The following SASH1 variants were observed in gnomAD, a reference collection of about 807,000 sequenced individuals.
SASH1 encodes the protein SAM and SH3 domain-containing protein 1.
Under a neutral mutation model 125.2 loss-of-function variants are expected in SASH1, and 44 were observed. The observed-to-expected ratio is 0.35, with a 90% CI of 0.28 to 0.45. SASH1 has a LOEUF of 0.45. Among genes scored for constraint, SASH1 ranks in the 20% least tolerant of loss-of-function variants. The probability of loss-of-function intolerance (pLI) is 1.00; values close to 1 mark genes in which losing one functional copy is unlikely to be tolerated. For missense variants in SASH1, 1,426 were observed against 1,614.5 expected (o/e 0.88, Z 2.00); for synonymous variants, 639 against 649.1 (o/e 0.98, Z 0.24).
chr6:148,546,001 G>A lies in SASH1; in HGVS notation c.3349-14G>A, dbSNP rs1782534951. 6 of 1,611,544 alleles carry A rather than the reference G, an allele frequency of 3.7e-6. No individual in the cohort carries two copies. The highest frequency in any genetic ancestry group is 5.1e-6 in the Non-Finnish European group (6 of 1,179,176). ...TTATGACTCTTGATGTCATATTCCT[G>A]TTCTCCCTGGCAGCATGGCCGCTGT... is the stretch of plus-strand genomic sequence containing the variant. On this transcript the variant is annotated splice_polypyrimidine_tract_variant and intron_variant, in intron 18 of 19. Transcript: ENST00000367467.
intron 4 of SASH1, among the ~76,000 whole-genome samples, chr6:148,463,784 C>G (rs1418546676): frequency 2.0e-5 from 3 of 152,156 alleles, no homozygotes; most frequent in Non-Finnish European, 4.4e-5. Context: ...TGTTCCCTCC[C>G]CTGCTGTTCC....
intron 8 of SASH1, chr6:148,508,787 A>C (rs1779947856): frequency 4.2e-6 from 5 of 1,178,990 alleles, no homozygotes; most frequent in South Asian, 3.9e-5. Context: ...TTGATGCTAC[A>C]AGAGTGAAGA....
upstream of SASH1, among the ~76,000 whole-genome samples, chr6:148,269,084 C>A (rs1779002448): frequency 1.3e-5 from 2 of 152,228 alleles, no homozygotes; most frequent in East Asian, 3.9e-4. Context: ...ATCACTGTAG[C>A]CTACCTTTTA....
Position 148,514,327 on chromosome 6 carries a change from A to G in SASH1, c.733A>G (p.Arg245Gly). ...TTTTCCTTTGTTTCTTTGCCAGTCA[A>G]GAGAACAATCGGATGATGAGACTGA... is the stretch of plus-strand genomic sequence containing the variant. ...TFDGSSNCNSREQSDDETEES... is the reference protein window; with the variant it reads ...TFDGSSNCNSGEQSDDETEES... The change falls in exon 9 of 20, where the codon AGA becomes GGA. Residue 245 changes from arginine to glycine, a missense_variant. Transcript: ENST00000367467. The G allele has an allele frequency of 6.2e-7, 1 of 1,601,040 alleles. No individual in the cohort carries two copies. Among genetic ancestry groups the G allele is most frequent in the South Asian group, 1.1e-5 (1 of 88,008 alleles).
At chr6:148,527,165 C>T in intron 11 of SASH1, 1 of 256,942 alleles carries the variant, frequency 3.9e-6, no homozygotes. Flanking sequence ...TGAAATGCAG[C>T]CCCCTTGGAT....
chr6:148,390,112 C>G, intron 1 of SASH1, 22 bp from the exon 2 acceptor site: 1 of 1,611,456 alleles, frequency 6.2e-7, no homozygotes, highest in Non-Finnish European at 8.5e-7. Flanking sequence ...ACCTGACCGC[C>G]TTTGTTTGTC....
intron 1 of SASH1, among the ~76,000 whole-genome samples, chr6:148,292,490 C>T (rs111560341): frequency 4.6e-5 from 7 of 152,282 alleles, no homozygotes; most frequent in Admixed American, 1.3e-4. Context: ...GTCTCTTCTA[C>T]GTGCTTATAG....
rs751383942 is a variant in SASH1, at chr6:148,544,644, C to G, written c.3174C>G (p.Pro1058=). Residue 1058 remains proline, a synonymous_variant, in exon 18 of 20, where the codon CCC becomes CCG. Transcript: ENST00000367467. The surrounding 1 kb of genome is among the most constrained non-coding windows in gnomAD (Gnocchi z 6.4). The part of the protein sequence containing the change: ...APGSPPSTRP[P]PWLSELPENT... ...GCAGCCCACCAAGCACAAGGCCGCC[C>G]CCCTGGCTCTCAGAGCTCCCCGAGA... The G allele has an allele frequency of 1.2e-6, 2 of 1,613,356 alleles. No individual in the cohort carries two copies. Among genetic ancestry groups the G allele is most frequent in the South Asian group, 1.1e-5 (1 of 91,004 alleles).
intron 8 of SASH1, among the ~76,000 whole-genome samples, chr6:148,511,556 A>G (rs1780140660): frequency 6.6e-6 from 1 of 152,226 alleles, no homozygotes; most frequent in Non-Finnish European, 1.5e-5. Flanking sequence ...GCATTAATTC[A>G]AAGGTACAAA....
intron 1 of SASH1, among the ~76,000 whole-genome samples, chr6:148,278,026 T>C (rs1779233827): frequency 6.7e-6 from 1 of 149,796 alleles, no homozygotes; most frequent in African/African-American, 2.5e-5. Flanking sequence ...TGTTTTGTTT[T>C]TGTTTTTGTT....
At chr6:148,475,993 T>C (rs1416497444) in intron 7 of SASH1, among the ~76,000 whole-genome samples, 2 of 152,146 alleles carry the variant, frequency 1.3e-5, no homozygotes, top group Non-Finnish European at 1.5e-5. Flanking sequence ...TTCCACATAG[T>C]ACTGAAAGTC....
chr6:148,305,845 G>A (rs999693000), intron 1 of SASH1, among the ~76,000 whole-genome samples: 1 of 152,110 alleles, frequency 6.6e-6, no homozygotes, highest in Non-Finnish European at 1.5e-5. Flanking sequence ...TAAGTCTGAA[G>A]GAGAAATTCG....
intron 10 of SASH1, chr6:148,520,094 C>T: frequency 1.8e-6 from 1 of 567,510 alleles, no homozygotes; most frequent in East Asian, 2.9e-5. Flanking sequence ...TGCAGCTGCT[C>T]CGGCAGAAAG....
chr6:148,396,958 A>ATCCC (rs1187518270), intron 2 of SASH1, among the ~76,000 whole-genome samples: 6 of 152,252 alleles, frequency 3.9e-5, no homozygotes, highest in African/African-American at 1.4e-4. Context: ...GAGTTGAAAA[A>ATCCC]TCCCTGCAGT....
chr6:148,390,326 G>T, intron 2 of SASH1, 64 bp downstream of exon 2: 1 of 1,523,854 alleles, frequency 6.6e-7, no homozygotes, highest in Non-Finnish European at 8.9e-7. Flanking sequence ...GCTTTTCCTT[G>T]GTCTTTATCC....
intron 8 of SASH1, among the ~76,000 whole-genome samples, chr6:148,502,844 C>T (rs957217571): frequency 2.6e-5 from 4 of 152,246 alleles, no homozygotes; most frequent in Admixed American, 1.3e-4. Context: ...TGGCAGTTTC[C>T]TCTTCCCCTC....
chr6:148,525,226 G>C (rs1781071615), intron 10 of SASH1, 65 bp from the exon 11 acceptor site: 1 of 1,153,730 alleles, frequency 8.7e-7, no homozygotes, highest in Non-Finnish European at 1.3e-6. Context: ...GGACTGCTGG[G>C]TTGGTGCACT....
At chr6:148,460,848 G>A (rs1039817062) in intron 4 of SASH1, among the ~76,000 whole-genome samples, 23 of 152,152 alleles carry the variant, frequency 1.5e-4, no homozygotes, top group East Asian at 7.7e-4. Flanking sequence ...AGAAATCCTT[G>A]TGTCCATCTC....
rs142481628 is a variant in SASH1 at position 148,536,127 on chromosome 6, T to TTAAG, written c.2095+1233_2095+1236dup. On this transcript the variant is annotated intron_variant, in intron 16 of 19. Transcript: ENST00000367467. ...TAATATCACTTTATAACAAGGTCTT[T>TTAAG]TAAGTAAGTATTTGATTGCCCAAGA... is the stretch of plus-strand genomic sequence containing the variant. Among the ~76,000 whole-genome samples the TTAAG allele has an allele frequency of 1.0e-3, 152 of 152,316 alleles. 1 individual carries two copies. The highest frequency in any genetic ancestry group is 3.3e-3 in the African/African-American group (139 of 41,568).
Sources: gnomAD v4.1 joint callset for allele counts (sites outside exome capture counted in the v4.1 genomes callset) on GRCh38, gnomAD v4.1.1 for gene constraint, Gnocchi (gnomAD v3.1) non-coding constraint, MANE v1.5 for transcripts, NCBI Gene and HGNC (gene_info 2026-07-23, HGNC 2026-07-21) for gene names.